Variants in UBE3C observed in about 807,000 individuals in gnomAD.
The protein encoded by UBE3C is ubiquitin-protein ligase E3C.
A neutral mutation model predicts 129.4 loss-of-function variants in UBE3C; 42 were observed. The ratio of observed to expected loss-of-function variants is 0.32; its 90% CI spans 0.25 to 0.42. The LOEUF is 0.42. UBE3C is among the 10% of genes least tolerant of loss of function. The pLI, the probability that UBE3C is intolerant of heterozygous loss-of-function variation, is 1.00. For synonymous variants in UBE3C, 510 were observed against 492.4 expected (o/e 1.04, Z -0.47); for missense variants, 1,049 against 1,319.1 (o/e 0.80, Z 3.17).
At chr7:157,140,457 C>G (rs569552259) in intron 1 of UBE3C, among the ~76,000 whole-genome samples, 1 of 152,250 alleles carries the variant, frequency 6.6e-6, no homozygotes, top group African/African-American at 2.4e-5. Flanking sequence ...ACTTGTGCTC[C>G]AGAACTAAGT....
At chr7:157,246,776 CT>C (rs1283392919) in intron 18 of UBE3C, among the ~76,000 whole-genome samples, 1 of 152,170 alleles carries the variant, frequency 6.6e-6, no homozygotes, top group Non-Finnish European at 1.5e-5. Context: ...GAGAGGGTTT[CT>C]TTCTCTAAAA....
chr7:157,200,256 A>C (rs1039308949), intron 10 of UBE3C, among the ~76,000 whole-genome samples: 2 of 152,172 alleles, frequency 1.3e-5, no homozygotes, highest in African/African-American at 4.8e-5. Context: ...TCAGTGATGT[A>C]CCCTTATTGC....
At chr7:157,230,831 C>T (rs1236918068) in intron 17 of UBE3C, among the ~76,000 whole-genome samples, 1 of 150,706 alleles carries the variant, frequency 6.6e-6, no homozygotes, top group Non-Finnish European at 1.5e-5. Flanking sequence ...TTCTGGAGGA[C>T]CAATTCCCTG....
intron 5 of UBE3C, among the ~76,000 whole-genome samples, chr7:157,175,486 T>A (rs746805703): frequency 1.3e-4 from 20 of 152,230 alleles, no homozygotes; most frequent in Non-Finnish European, 2.1e-4. Flanking sequence ...GTGACTTTCT[T>A]GCATTCAGTG....
chr7:157,261,628 A>G (rs552711699), intron 22 of UBE3C, among the ~76,000 whole-genome samples: 1 of 152,342 alleles, frequency 6.6e-6, no homozygotes, highest in South Asian at 2.1e-4. Context: ...ATGTAGACTT[A>G]AAGGAAGAGA....
At chr7:157,215,478 T>C (rs2117030719) in intron 13 of UBE3C, among the ~76,000 whole-genome samples, 1 of 148,210 alleles carries the variant, frequency 6.7e-6, no homozygotes, top group East Asian at 1.9e-4. Context: ...AATTTATATA[T>C]TATATATACT....
At chr7:157,256,783 C>T in intron 21 of UBE3C, 131 bp from the exon 22 acceptor site, 1 of 1,165,858 alleles carries the variant, frequency 8.6e-7, no homozygotes, top group East Asian at 2.4e-5. Context: ...ACACACATGC[C>T]ACGCCGTTTT....
chr7:157,176,798 T>C (rs1471711059), intron 5 of UBE3C, among the ~76,000 whole-genome samples: 1 of 152,138 alleles, frequency 6.6e-6, no homozygotes, highest in Non-Finnish European at 1.5e-5. Flanking sequence ...CCTTAAGTGC[T>C]CTCTCTGCCC....
intron 19 of UBE3C, among the ~76,000 whole-genome samples, chr7:157,248,872 G>A (rs1796547911): frequency 6.6e-6 from 1 of 152,088 alleles, no homozygotes. Context: ...GGCTCTTCCC[G>A]GTGCTGGGGG....
intron 1 of UBE3C, among the ~76,000 whole-genome samples, chr7:157,148,971 A>G (rs1253665701): frequency 3.9e-5 from 6 of 152,184 alleles, no homozygotes; most frequent in Admixed American, 3.3e-4. Flanking sequence ...GCAACACTGC[A>G]TTTGTTCCTT....
chr7:157,157,675 A>G (rs1282194254), intron 1 of UBE3C, among the ~76,000 whole-genome samples: 1 of 152,194 alleles, frequency 6.6e-6, no homozygotes, highest in Non-Finnish European at 1.5e-5. Flanking sequence ...CTAAATGACC[A>G]TTAAAATATA....
chr7:157,175,136 AC>A (rs1808481911), intron 5 of UBE3C, 102 bp downstream of exon 5: 101 of 372,732 alleles, frequency 2.7e-4, no homozygotes, highest in East Asian at 4.9e-4. Context: ...GCTTTTCCAT[AC>A]TTTTTTTTTT....
chr7:157,160,546 T>C (rs1179783245), intron 1 of UBE3C, among the ~76,000 whole-genome samples: 2 of 152,194 alleles, frequency 1.3e-5, no homozygotes, highest in Non-Finnish European at 2.9e-5. Context: ...CAATAGTTGA[T>C]TGTATCATTT....
intron 3 of UBE3C, among the ~76,000 whole-genome samples, chr7:157,169,388 T>A (rs966043501): frequency 4.0e-5 from 6 of 151,574 alleles, no homozygotes; most frequent in African/African-American, 1.5e-4. Flanking sequence ...TTTTTTTTTT[T>A]AAATTGAGAC....
intron 11 of UBE3C, among the ~76,000 whole-genome samples, chr7:157,206,461 A>C (rs1480112778): frequency 6.6e-6 from 1 of 151,814 alleles, no homozygotes; most frequent in African/African-American, 2.4e-5. Flanking sequence ...ATGGGGTTTC[A>C]CCATGTTGGC....
At chr7:157,148,723 A>T (rs1239827319) in intron 1 of UBE3C, among the ~76,000 whole-genome samples, 25 of 150,364 alleles carry the variant, frequency 1.7e-4, no homozygotes, top group Admixed American at 1.7e-3. Context: ...TCTAAGATCA[A>T]ATTAGTTCTT....
At chr7:157,180,538 C>G (rs940155766) in intron 6 of UBE3C, among the ~76,000 whole-genome samples, 3 of 152,074 alleles carry the variant, frequency 2.0e-5, no homozygotes, top group African/African-American at 7.2e-5. Context: ...AGGACTGTTT[C>G]AAAAACTAGC....
rs1264038526 is a variant in UBE3C, at chr7:157,247,321, A to G, written c.2482-1047A>G. On this transcript the variant is annotated intron_variant, in intron 18 of 22. Coordinates refer to ENST00000348165, the MANE Select transcript of UBE3C (RefSeq NM_014671.3). ...AACAAGATAATTAATGTCTAACTGC[A>G]TGTCTAGCACAGTGCCTGGCACCTA... Among the ~76,000 whole-genome samples, 5 of 152,372 alleles carry G rather than the reference A, an allele frequency of 3.3e-5. No homozygotes were observed. The East Asian group carries it at 7.7e-4, about 23-fold the overall frequency.
Position 157,163,881 on chromosome 7 carries a change from A to G in UBE3C, c.120+18A>G. On this transcript the variant is annotated intron_variant, in intron 2 of 22. Coordinates refer to ENST00000348165, the MANE Select transcript of UBE3C (RefSeq NM_014671.3). ...AGAGAGAGGTAAAAACAGTTTTGTA[A>G]TACTCTGTAGATAAGCATTTTTTCT... 3 of 1,612,142 alleles carry G rather than the reference A, an allele frequency of 1.9e-6. No individual in the cohort carries two copies. The highest frequency in any genetic ancestry group is 2.5e-6 in the Non-Finnish European group (3 of 1,178,898).
Sources: gnomAD v4.1 joint callset for allele counts (sites outside exome capture counted in the v4.1 genomes callset) on GRCh38, gnomAD v4.1.1 for gene constraint, MANE v1.5 for transcripts, NCBI Gene and HGNC (gene_info 2026-07-23, HGNC 2026-07-21) for gene names.